POLR3H: variants seen among roughly 807,000 people sequenced by gnomAD.
POLR3H encodes the protein RNA polymerase III subunit H.
In POLR3H, 17 loss-of-function variants were observed where a neutral mutation model predicts 25.5. The observed-to-expected ratio is 0.67, with a 90% CI of 0.46 to 1.00. POLR3H has a LOEUF of 1.00. Among genes scored for constraint, POLR3H ranks in the 50% least tolerant of loss-of-function variants. The pLI is 0.00. For synonymous variants in POLR3H, 129 were observed against 103.0 expected, an observed-to-expected ratio of 1.25 and a Z score of -1.53; for missense variants, 274 against 265.0, an observed-to-expected ratio of 1.03 and a Z score of -0.24.
At position 41,526,992 on chromosome 22, in the gene POLR3H, C is replaced by T; in HGVS notation, c.*2291G>A. On this transcript the variant is annotated 3_prime_UTR_variant, in exon 6 of 6. Coordinates refer to ENST00000355209, the MANE Select transcript of POLR3H (RefSeq NM_001018050.4). ...TGTGGGGCCCGGAGGCCGTCCCTGTCTCACCCAACCTCCCTCCACACACAC... is the reference window on the plus strand; with the variant it reads ...TGTGGGGCCCGGAGGCCGTCCCTGTTTCACCCAACCTCCCTCCACACACAC... The T allele has an allele frequency of 2.0e-6, 1 of 494,368 alleles. No homozygotes were observed. Among genetic ancestry groups the T allele is most frequent in the South Asian group, 2.4e-5 (1 of 41,120 alleles). The allele number at this position is 494,368 out of a possible 1,614,324, so 30.6% of individuals were successfully genotyped here.
In POLR3H at chr22:41,528,744, T is replaced by G; in HGVS notation, c.*539A>C. On this transcript the variant is annotated 3_prime_UTR_variant, in exon 6 of 6. Coordinates refer to ENST00000355209, the MANE Select transcript of POLR3H (RefSeq NM_001018050.4). ...CCAGACATGCTTCCTGCTCCCCGCT[T>G]AGCCCACGGAGTGACTGTGGTTGTG... The G allele has an allele frequency of 7.6e-7, 1 of 1,323,174 alleles. No homozygotes were observed. Among genetic ancestry groups the G allele is most frequent in the Non-Finnish European group, 1.0e-6 (1 of 986,216 alleles). The allele number at this position is 1,323,174 out of a possible 1,614,324, so 82.0% of individuals were successfully genotyped here. A position where few individuals can be genotyped will look rare whatever the true frequency, so the allele number is the denominator to read the frequency against.
At chr22:41,534,699 C>T (rs967619263) in intron 2 of POLR3H, among the ~76,000 whole-genome samples, 38 of 151,996 alleles carry the variant, frequency 2.5e-4, no homozygotes, top group Non-Finnish European at 5.3e-4. Flanking sequence ...CAAGACCATC[C>T]TGGCCGACAT....
chr22:41,532,776 T>C, intron 2 of POLR3H, 31 bp from the exon 3 acceptor site: 1 of 1,607,806 alleles, frequency 6.2e-7, no homozygotes, highest in African/African-American at 1.3e-5. Context: ...TCAGTGATGC[T>C]GACCGGGGCC....
chr22:41,531,068 G>A (rs896244869), intron 4 of POLR3H, among the ~76,000 whole-genome samples, 180 bp from the exon 5 acceptor site: 160 of 152,322 alleles, frequency 1.1e-3, no homozygotes, highest in African/African-American at 3.7e-3. Flanking sequence ...AGGAACAAGC[G>A]CTCTTGGAGG....
chr22:41,536,473 C>A (rs1207989673), intron 2 of POLR3H, among the ~76,000 whole-genome samples: 1 of 151,454 alleles, frequency 6.6e-6, no homozygotes, highest in Admixed American at 6.6e-5. Context: ...CACTGACTTA[C>A]ACACTTAAAA....
chr22:41,528,412 AC>A lies in POLR3H; in HGVS notation c.*870del. ...CCCCAGGCAGTGCCCTGTCTCCCTG[AC>A]CCCCCTGCGGGGCCAAGGGCACACA... On this transcript the variant is annotated 3_prime_UTR_variant, in exon 6 of 6. Transcript: ENST00000355209. 3 of 1,576,074 alleles carry A rather than the reference AC, an allele frequency of 1.9e-6. No homozygotes were observed. Among genetic ancestry groups the A allele is most frequent in the East Asian group, 2.3e-5 (1 of 44,416 alleles).
chr22:41,540,858 TC>T, intron 1 of POLR3H, 63 bp from the exon 2 acceptor site: 1 of 1,240,910 alleles, frequency 8.1e-7, no homozygotes, highest in Non-Finnish European at 1.2e-6. Context: ...CAGGCCCAGC[TC>T]CCAGGCAATC....
At chr22:41,531,404 C>G (rs1445855011) in intron 4 of POLR3H, among the ~76,000 whole-genome samples, 1 of 152,164 alleles carries the variant, frequency 6.6e-6, no homozygotes, top group Non-Finnish European at 1.5e-5. Flanking sequence ...ACATGCAGAC[C>G]CAGAGCCGTG....
At chr22:41,539,442 A>T (rs2066897602) in intron 2 of POLR3H, 1 of 152,326 alleles carries the variant, frequency 6.6e-6, no homozygotes, top group South Asian at 2.1e-4. Flanking sequence ...TTTGGTCCAG[A>T]CATGAGAATG....
chr22:41,536,847 GAC>G (rs1409283046), intron 2 of POLR3H, among the ~76,000 whole-genome samples: 2 of 116,030 alleles, frequency 1.7e-5, no homozygotes, highest in African/African-American at 3.3e-5. Flanking sequence ...CAGCCTGGGT[GAC>G]AGAGAAGACT....
intron 2 of POLR3H, among the ~76,000 whole-genome samples, chr22:41,536,116 G>C (rs2066839718): frequency 6.6e-6 from 1 of 150,856 alleles, no homozygotes; most frequent in Admixed American, 6.6e-5. Context: ...AGGTGGGCCG[G>C]GCGCGGTGGC....
chr22:41,532,140 C>G lies in POLR3H; in HGVS notation c.313G>C (p.Asp105His), dbSNP rs753242204. The G allele has an allele frequency of 2.5e-6, 4 of 1,613,948 alleles. No individual in the cohort carries two copies. The highest frequency in any genetic ancestry group is 3.4e-6 in the Non-Finnish European group (4 of 1,180,000). ...EGVHVSLGFF[D>H]DILIPPESLQ... The stretch of plus-strand genomic sequence containing the variant: ...GACTCTGGGGGGATGAGAATGTCAT[C>G]GAAGAAGCCTAGAGAGACTGGAAGG... The change falls in exon 4 of 6, where the codon GAT becomes CAT. Residue 105 changes from aspartate (D) to histidine (H), a missense_variant. Coordinates refer to ENST00000355209, the MANE Select transcript of POLR3H (RefSeq NM_001018050.4).
intron 2 of POLR3H, chr22:41,533,634 A>G: frequency 7.7e-7 from 1 of 1,303,866 alleles, no homozygotes; most frequent in Non-Finnish European, 1.0e-6. Context: ...CCAGGACGGC[A>G]GGGACCCTGG....
chr22:41,532,615 A>C (rs1404121712), intron 3 of POLR3H, 44 bp downstream of exon 3: 7 of 1,613,530 alleles, frequency 4.3e-6, no homozygotes, highest in Non-Finnish European at 5.1e-6. Context: ...TCCTGCCCCC[A>C]CAGTGTTCCC....
At chr22:41,534,614 G>A (rs1248537114) in intron 2 of POLR3H, among the ~76,000 whole-genome samples, 2 of 152,106 alleles carry the variant, frequency 1.3e-5, no homozygotes, top group African/African-American at 2.4e-5. Context: ...GAATGGCCCC[G>A]CGCACGGTGG....
chr22:41,532,048 AG>A, intron 4 of POLR3H, 45 bp downstream of exon 4: 1 of 1,567,058 alleles, frequency 6.4e-7, no homozygotes, highest in East Asian at 2.2e-5. Flanking sequence ...TCCTTTGGAG[AG>A]GCCTGAGCTC....
Position 41,527,759 on chromosome 22 carries a change from G to C in POLR3H, c.*1524C>G, listed in dbSNP as rs1333010636. On this transcript the variant is annotated 3_prime_UTR_variant, in exon 6 of 6. Coordinates refer to ENST00000355209, the MANE Select transcript of POLR3H (RefSeq NM_001018050.4). ...GGGGCACCCCTAGTGAAAGGGAGCA[G>C]ACCAGGGCCCCATAGTCACTGCCCG... The C allele has an allele frequency of 1.2e-5, 17 of 1,400,918 alleles. No individual in the cohort carries two copies. In the South Asian group the frequency reaches 1.6e-4, roughly 13 times the overall value. The allele number at this position is 1,400,918 out of a possible 1,614,324, so 86.8% of individuals were successfully genotyped here.
chr22:41,530,473 C>T (rs1034896321), intron 5 of POLR3H, among the ~76,000 whole-genome samples: 1 of 152,202 alleles, frequency 6.6e-6, no homozygotes, highest in Non-Finnish European at 1.5e-5. Flanking sequence ...CTGACTCGCC[C>T]ACCCCACCAG....
In POLR3H at chr22:41,528,803, C is replaced by T. The variant is rs184494062; in HGVS notation, c.*480G>A. The T allele has an allele frequency of 1.9e-3, 1,374 of 741,632 alleles. 4 individuals carry two copies. The highest frequency in any genetic ancestry group is 1.8e-3 in the Non-Finnish European group (855 of 476,026). 45.9% of individuals were successfully genotyped at this position (741,632 alleles called of 1,614,324 possible). A position where few individuals can be genotyped will look rare whatever the true frequency, so the allele number is the denominator to read the frequency against. On this transcript the variant is annotated 3_prime_UTR_variant, in exon 6 of 6. Transcript: ENST00000355209. Reference sequence around the variant, plus strand: ...GTTCTTAAAATAACTTTTTAGCCCCCGTCTTCCTATTTTGAGTTTGGTTCA... The same window carrying T: ...GTTCTTAAAATAACTTTTTAGCCCCTGTCTTCCTATTTTGAGTTTGGTTCA...
Sources: gnomAD v4.1 joint callset for allele counts (sites outside exome capture counted in the v4.1 genomes callset) on GRCh38, gnomAD v4.1.1 for gene constraint, MANE v1.5 for transcripts, NCBI Gene and HGNC (gene_info 2026-07-23, HGNC 2026-07-21) for gene names.